CEP128: variants seen among roughly 807,000 people sequenced by gnomAD.
The protein encoded by CEP128 is centrosomal protein 128, also known as centrosomal protein 128kDa.
In CEP128, 132 loss-of-function variants were observed where a neutral mutation model predicts 156.7. The observed-to-expected ratio is 0.84, with a 90% CI of 0.73 to 0.97. The LOEUF (loss-of-function observed/expected upper bound fraction) is 0.97. CEP128 is among the 50% of genes least tolerant of loss of function. The pLI is 0.00. For synonymous variants in CEP128, 469 were observed against 448.9 expected (o/e 1.04, Z -0.57); for missense variants, 1,252 against 1,281.9 (o/e 0.98, Z 0.36).
intron 13 of CEP128, among the ~76,000 whole-genome samples, chr14:80,810,670 T>C (rs367837841): frequency 6.6e-5 from 10 of 152,194 alleles, no homozygotes; most frequent in Non-Finnish European, 1.3e-4. Context: ...TTAGTGATAA[T>C]TGCCACCTCT....
In CEP128 at chr14:80,832,485, C is replaced by T. The variant is rs74064584; in HGVS notation, c.1058-1191G>A. Among the ~76,000 whole-genome samples the T allele has an allele frequency of 4.1e-3, 624 of 152,014 alleles. 10 individuals carry two copies. Among genetic ancestry groups the T allele is most frequent in the African/African-American group, 0.014 (600 of 41,468 alleles). On this transcript the variant is annotated intron_variant, in intron 12 of 24. Transcript: ENST00000555265. The stretch of plus-strand genomic sequence containing the variant: ...ATTCCCACTTCAGAATATTAGTGTT[C>T]AAAATTGTACATATTAGAATGGAAG...
At chr14:80,717,989 G>A (rs1374821353) in intron 19 of CEP128, among the ~76,000 whole-genome samples, 2 of 151,862 alleles carry the variant, frequency 1.3e-5, no homozygotes, top group Admixed American at 1.3e-4. Flanking sequence ...TAACTTGTGT[G>A]TGTGTATGTG....
intron 23 of CEP128, among the ~76,000 whole-genome samples, chr14:80,515,611 C>T (rs1888450549): frequency 6.6e-6 from 1 of 152,212 alleles, no homozygotes; most frequent in African/African-American, 2.4e-5. Context: ...CCCTTCAGGG[C>T]AACAGGCTCC....
intron 18 of CEP128, among the ~76,000 whole-genome samples, chr14:80,755,168 C>A (rs1042254191): frequency 1.6e-4 from 25 of 152,166 alleles, no homozygotes; most frequent in African/African-American, 4.8e-4. Context: ...TCCCAGCCTA[C>A]ATTTTTCTCC....
chr14:80,637,591 T>C (rs901294848), intron 19 of CEP128, among the ~76,000 whole-genome samples: 1 of 152,224 alleles, frequency 6.6e-6, no homozygotes, highest in African/African-American at 2.4e-5. Context: ...AACTCTTACA[T>C]TTTTATCAGA....
intron 13 of CEP128, among the ~76,000 whole-genome samples, chr14:80,811,789 G>C (rs1469384602): frequency 9.8e-6 from 1 of 102,114 alleles, no homozygotes; most frequent in East Asian, 3.0e-4. Context: ...TTCTGCGTCT[G>C]TGTGTGTGTG....
At chr14:80,671,712 G>T (rs1166972482) in intron 19 of CEP128, among the ~76,000 whole-genome samples, 1 of 152,100 alleles carries the variant, frequency 6.6e-6, no homozygotes, top group Non-Finnish European at 1.5e-5. Flanking sequence ...TTTGCAAGCT[G>T]GGTAAATTGG....
rs147914203 is a variant in CEP128, at chr14:80,562,395, T to C, written c.2857-3093A>G. On this transcript the variant is annotated intron_variant, in intron 20 of 24. Coordinates refer to ENST00000555265, the MANE Select transcript of CEP128 (RefSeq NM_152446.5). ...ACAATAGCTAATAAGATACCAGCCA[T>C]TGTAGTCAATTACTGATTTTGTCTA... Among the ~76,000 whole-genome samples, 785 of 152,274 alleles carry C rather than the reference T, an allele frequency of 5.2e-3. 3 individuals are homozygous for C. The highest frequency in any genetic ancestry group is 8.6e-3 in the Non-Finnish European group (587 of 68,016).
At chr14:80,535,925 A>AGTG (rs1566764300) in intron 21 of CEP128, among the ~76,000 whole-genome samples, 1 of 152,244 alleles carries the variant, frequency 6.6e-6, no homozygotes, top group Non-Finnish European at 1.5e-5. Context: ...TAGAGGCAAT[A>AGTG]GTGAAATTCA....
intron 2 of CEP128, among the ~76,000 whole-genome samples, chr14:80,933,150 C>A (rs142487044): frequency 3.3e-5 from 5 of 152,252 alleles, no homozygotes; most frequent in African/African-American, 7.2e-5. Context: ...CTTCACCCTA[C>A]CAGCATCCTG....
chr14:80,884,158 T>C (rs910081873), intron 8 of CEP128, among the ~76,000 whole-genome samples: 19 of 152,156 alleles, frequency 1.2e-4, no homozygotes, highest in African/African-American at 4.6e-4. Context: ...CCCCAGGACA[T>C]TGGAGTAAGC....
intron 13 of CEP128, among the ~76,000 whole-genome samples, chr14:80,795,956 A>G (rs1005332209): frequency 6.6e-6 from 1 of 152,166 alleles, no homozygotes; most frequent in East Asian, 1.9e-4. Context: ...TAAAGATTTT[A>G]AAAAATAAAG....
chr14:80,616,099 C>A (rs2062502953), intron 19 of CEP128, among the ~76,000 whole-genome samples: 1 of 152,132 alleles, frequency 6.6e-6, no homozygotes. Context: ...TCGCCGGTGG[C>A]CTGTTCAATT....
At chr14:80,817,124 T>G (rs564778072) in intron 13 of CEP128, among the ~76,000 whole-genome samples, 2 of 152,024 alleles carry the variant, frequency 1.3e-5, no homozygotes, top group African/African-American at 4.8e-5. Flanking sequence ...CAGACAGCAA[T>G]AGAGACTACA....
At chr14:80,750,792 A>G (rs1595345121) in intron 18 of CEP128, among the ~76,000 whole-genome samples, 2 of 152,282 alleles carry the variant, frequency 1.3e-5, no homozygotes, top group East Asian at 3.9e-4. Flanking sequence ...AATCCCTCAC[A>G]AAGTATTAGG....
intron 9 of CEP128, among the ~76,000 whole-genome samples, chr14:80,849,556 G>A (rs1886784210): frequency 6.6e-6 from 1 of 152,152 alleles, no homozygotes; most frequent in Admixed American, 6.6e-5. Context: ...CTTGACCACA[G>A]TATGGACAAA....
chr14:80,820,704 T>G (rs549355505), intron 13 of CEP128, among the ~76,000 whole-genome samples: 1 of 152,250 alleles, frequency 6.6e-6, no homozygotes, highest in East Asian at 1.9e-4. Context: ...CCTTCAAATA[T>G]ATTTTTAAAA....
rs946159466 is a variant in CEP128 at position 80,879,858 on chromosome 14, C to G, written c.645+15860G>C. 4.6e-5 allele frequency among the ~76,000 whole-genome samples: 7 copies of G among 152,218 alleles called. No individual in the cohort carries two copies. In the South Asian group the frequency reaches 1.4e-3, roughly 32 times the overall value. ...GTTCCCAGATTCAACTCAAAGAGAT[C>G]CTCTTCAAGTCATATTCTAATCACG... On this transcript the variant is annotated intron_variant, in intron 8 of 24. Transcript: ENST00000555265.
At chr14:80,862,154 C>CA (rs1887543972) in intron 9 of CEP128, among the ~76,000 whole-genome samples, 1 of 152,168 alleles carries the variant, frequency 6.6e-6, no homozygotes, top group South Asian at 2.1e-4. Context: ...AGTTGTCAGA[C>CA]TTTTTCTGTA....
Sources: gnomAD v4.1 joint callset for allele counts (sites outside exome capture counted in the v4.1 genomes callset) on GRCh38, gnomAD v4.1.1 for gene constraint, MANE v1.5 for transcripts, NCBI Gene and HGNC (gene_info 2026-07-23, HGNC 2026-07-21) for gene names.